PVALEF: variants seen among roughly 807,000 people sequenced by gnomAD.
The protein encoded by PVALEF is parvalbumin like EF-hand containing.
PVALEF carries 2 observed loss-of-function variants against 1.2 expected under a neutral mutation model. That is an observed-to-expected ratio of 1.68 (90% CI 0.69 to 5.28). PVALEF has a LOEUF of 5.28. Ranked by LOEUF, PVALEF falls within the 30% of genes most tolerant of loss-of-function variation. PVALEF has a pLI of 0.06. For synonymous variants in PVALEF, 16 were observed against 6.5 expected (o/e 2.47, Z -2.24); for missense variants, 35 against 17.7 (o/e 1.97, Z -1.75).
In PVALEF at chr17:81,170,801, C is replaced by T. The variant is rs554087937; in HGVS notation, c.-340+3957C>T. Reference sequence around the variant, plus strand: ...GGCCTCACCCTGCAGTGGGCACCCCCCCATTCTGCCACATGCCCCTCCACC... The same window carrying T: ...GGCCTCACCCTGCAGTGGGCACCCCTCCATTCTGCCACATGCCCCTCCACC... On this transcript the variant is annotated intron_variant, in intron 2 of 6. Transcript: ENST00000637878. Among the ~76,000 whole-genome samples, 7 of 152,284 alleles carry T rather than the reference C, an allele frequency of 4.6e-5. No individual in the cohort carries two copies. In the East Asian group the frequency reaches 1.4e-3, roughly 29 times the overall value.
intron 2 of PVALEF, among the ~76,000 whole-genome samples, chr17:81,173,948 C>T (rs371307596): frequency 9.9e-5 from 15 of 152,180 alleles, no homozygotes; most frequent in African/African-American, 3.1e-4. Flanking sequence ...AAGGATTATA[C>T]ACCATAATCA....
In PVALEF at chr17:81,182,000, ACCACCCC is replaced by A; in HGVS notation, c.278_284del (p.Thr93SerfsTer2). 2.5e-6 allele frequency: 1 copy of A among 398,618 alleles called. No individual in the cohort carries two copies. Among genetic ancestry groups the A allele is most frequent in the Non-Finnish European group, 4.4e-6 (1 of 226,116 alleles). The allele number at this position is 398,618 out of a possible 1,614,324, so 24.7% of individuals were successfully genotyped here. ...GTCCATCATCCCCAGCAGCGGGCCC[ACCACCCC>A]GCTGACAGACGAGGAGGCCGAGGCC... On this transcript the variant is annotated frameshift_variant, in exon 6 of 7. Coordinates refer to ENST00000637878, the MANE Select transcript of PVALEF (RefSeq NM_001354639.2). LOFTEE classifies it high-confidence loss of function.
intron 3 of PVALEF, among the ~76,000 whole-genome samples, chr17:81,180,349 C>T (rs2061549569): frequency 2.0e-5 from 3 of 152,218 alleles, no homozygotes; most frequent in Admixed American, 1.3e-4. Context: ...AAAACAGGTC[C>T]CCAAGATGCC....
intron 4 of PVALEF, 81 bp from the exon 5 acceptor site, chr17:81,181,478 C>A (rs372074596): frequency 2.8e-5 from 14 of 496,390 alleles, no homozygotes; most frequent in Admixed American, 7.8e-5. Flanking sequence ...CCCGGCAGCC[C>A]CCATCCCAGG....
chr17:81,174,629 CA>C (rs566283460), intron 2 of PVALEF, among the ~76,000 whole-genome samples: 14 of 137,914 alleles, frequency 1.0e-4, no homozygotes, highest in African/African-American at 5.3e-5. Flanking sequence ...GACTCCACCT[CA>C]AAAAAAAAAG....
At chr17:81,166,123 C>G (rs1161382858) in intron 1 of PVALEF, 2 of 421,474 alleles carry the variant, frequency 4.7e-6, no homozygotes, top group Non-Finnish European at 6.3e-6. Context: ...CGCCCCGCGC[C>G]CCCCGCCGCA....
At chr17:81,171,069 C>G (rs1156389170) in intron 2 of PVALEF, among the ~76,000 whole-genome samples, 3 of 152,210 alleles carry the variant, frequency 2.0e-5, no homozygotes, top group African/African-American at 7.2e-5. Flanking sequence ...TCAGTGAGAC[C>G]TGAACCTCCC....
chr17:81,177,269 C>T lies in PVALEF; in HGVS notation c.-339-1649C>T, dbSNP rs189823835. ...AAAAAAAAAAAAAAAAAAAGGCAGCCGGGTACAGTGGCTCACGCCTGTAAT... is the reference window on the plus strand; with the variant it reads ...AAAAAAAAAAAAAAAAAAAGGCAGCTGGGTACAGTGGCTCACGCCTGTAAT... On this transcript the variant is annotated intron_variant, in intron 2 of 6. Coordinates refer to ENST00000637878, the MANE Select transcript of PVALEF (RefSeq NM_001354639.2). 7.4e-3 allele frequency among the ~76,000 whole-genome samples: 1,087 copies of T among 146,684 alleles called. 13 individuals carry two copies. The highest frequency in any genetic ancestry group is 0.013 in the Non-Finnish European group (838 of 67,002).
At chr17:81,175,215 C>A (rs2061532831) in intron 2 of PVALEF, among the ~76,000 whole-genome samples, 1 of 152,014 alleles carries the variant, frequency 6.6e-6, no homozygotes, top group Non-Finnish European at 1.5e-5. Flanking sequence ...ATTAACTTAG[C>A]CAAGGAGGTG....
At chr17:81,180,158 A>C (rs1488491302) in intron 3 of PVALEF, among the ~76,000 whole-genome samples, 1 of 152,146 alleles carries the variant, frequency 6.6e-6, no homozygotes, top group African/African-American at 2.4e-5. Flanking sequence ...GGCACCCCTG[A>C]GAGCAGTGGG....
intron 2 of PVALEF, among the ~76,000 whole-genome samples, chr17:81,171,057 GGTCA>G (rs1427699777): frequency 6.6e-6 from 1 of 152,204 alleles, no homozygotes; most frequent in African/African-American, 2.4e-5. Flanking sequence ...ACCCTGCGGG[GGTCA>G]GTGAGACCTG....
chr17:81,165,845 T>C lies in PVALEF; in HGVS notation c.-508+98T>C, dbSNP rs1043759205. 48 of 1,527,072 alleles carry C rather than the reference T, an allele frequency of 3.1e-5. 1 individual carries two copies. The highest frequency in any genetic ancestry group is 6.9e-5 in the African/African-American group (5 of 72,080). 94.6% of individuals were successfully genotyped at this position (1,527,072 alleles called of 1,614,324 possible). ...GGGCTCGGGGCGGGGAAAGGGTTAATTTCCATGCAAACCGGGAGCCGTGGG... is the reference window on the plus strand; with the variant it reads ...GGGCTCGGGGCGGGGAAAGGGTTAACTTCCATGCAAACCGGGAGCCGTGGG... On this transcript the variant is annotated intron_variant, in intron 1 of 6. Coordinates refer to ENST00000637878, the MANE Select transcript of PVALEF (RefSeq NM_001354639.2).
chr17:81,178,989 C>T lies in PVALEF; in HGVS notation c.-268C>T, dbSNP rs1003709780. ...TGTGGACACACCAAGTGCCTGCGAGCCCCTGGGAGCTGCCCGTGCCAGGCT... is the reference window on the plus strand; with the variant it reads ...TGTGGACACACCAAGTGCCTGCGAGTCCCTGGGAGCTGCCCGTGCCAGGCT... On this transcript the variant is annotated 5_prime_UTR_variant, in exon 3 of 7. Coordinates refer to ENST00000637878, the MANE Select transcript of PVALEF (RefSeq NM_001354639.2). 1 of 430,162 alleles carries T rather than the reference C, an allele frequency of 2.3e-6. No homozygotes were observed. The highest frequency in any genetic ancestry group is 4.7e-6 in the Non-Finnish European group (1 of 211,920). The allele number at this position is 430,162 out of a possible 1,614,324, so 26.6% of individuals were successfully genotyped here.
rs565422014 is a variant in PVALEF at position 81,165,838 on chromosome 17, G to T, written c.-508+91G>T. 5.4e-5 allele frequency: 82 copies of T among 1,522,350 alleles called. No individual in the cohort carries two copies. The African/African-American group carries it at 1.0e-3, about 19-fold the overall frequency. The allele number at this position is 1,522,350 out of a possible 1,614,324, so 94.3% of individuals were successfully genotyped here. A position where few individuals can be genotyped will look rare whatever the true frequency, so the allele number is the denominator to read the frequency against. ...TGCTGCTGGGCTCGGGGCGGGGAAA[G>T]GGTTAATTTCCATGCAAACCGGGAG... is the stretch of plus-strand genomic sequence containing the variant. On this transcript the variant is annotated intron_variant, in intron 1 of 6. Coordinates refer to ENST00000637878, the MANE Select transcript of PVALEF (RefSeq NM_001354639.2).
intron 3 of PVALEF, among the ~76,000 whole-genome samples, chr17:81,179,975 G>A (rs1315378888): frequency 1.3e-5 from 2 of 152,198 alleles, no homozygotes; most frequent in Non-Finnish European, 2.9e-5. Flanking sequence ...AGGACAGCTT[G>A]TGTGGCGTCC....
chr17:81,180,118 C>T (rs568620384), intron 3 of PVALEF, among the ~76,000 whole-genome samples: 25 of 152,304 alleles, frequency 1.6e-4, no homozygotes, highest in African/African-American at 5.3e-4. Context: ...GTCTCCAGCC[C>T]GGATCTCGGG....
intron 2 of PVALEF, among the ~76,000 whole-genome samples, chr17:81,170,572 G>A (rs2061517486): frequency 6.6e-6 from 1 of 152,144 alleles, no homozygotes; most frequent in South Asian, 2.1e-4. Flanking sequence ...GGCATGGGAG[G>A]GAGGAGGGAG....
intron 2 of PVALEF, among the ~76,000 whole-genome samples, chr17:81,178,275 C>T (rs2061542023): frequency 6.6e-6 from 1 of 152,180 alleles, no homozygotes; most frequent in Non-Finnish European, 1.5e-5. Context: ...AGTCCTGTGG[C>T]TTCCAGTAGA....
At chr17:81,173,078 T>C (rs1043543521) in intron 2 of PVALEF, among the ~76,000 whole-genome samples, 31 of 152,130 alleles carry the variant, frequency 2.0e-4, no homozygotes, top group African/African-American at 7.5e-4. Flanking sequence ...AGCTCCTCGG[T>C]GATGTGTACC....
Sources: allele counts gnomAD v4.1 joint callset (sites outside exome capture counted in the v4.1 genomes callset), GRCh38; gene constraint gnomAD v4.1.1; transcripts MANE v1.5; gene names NCBI Gene and HGNC (gene_info 2026-07-23, HGNC 2026-07-21).